The following VAT1L variants were observed in gnomAD, a reference collection of about 807,000 sequenced individuals.
VAT1L encodes the protein putative NADPH-dependent quinone oxidoreductase VAT1L.
VAT1L carries 34 observed loss-of-function variants against 44.1 expected under a neutral mutation model. That is an observed-to-expected ratio of 0.77 (90% CI 0.59 to 1.03). The LOEUF is 1.03. VAT1L is among the 50% of genes least tolerant of loss of function. The pLI, the probability that VAT1L is intolerant of heterozygous loss-of-function variation, is 0.00. For synonymous variants in VAT1L, 253 were observed against 202.2 expected, an observed-to-expected ratio of 1.25 and a Z score of -2.13; for missense variants, 615 against 538.8, an observed-to-expected ratio of 1.14 and a Z score of -1.40.
intron 3 of VAT1L, among the ~76,000 whole-genome samples, chr16:77,841,027 T>G (rs1339710603): frequency 6.6e-6 from 1 of 152,226 alleles, no homozygotes; most frequent in African/African-American, 2.4e-5. Flanking sequence ...GCAAGCTACA[T>G]GGATTTAAAA....
intron 3 of VAT1L, among the ~76,000 whole-genome samples, chr16:77,859,707 G>C (rs2016896642): frequency 6.6e-6 from 1 of 152,132 alleles, no homozygotes; most frequent in Non-Finnish European, 1.5e-5. Context: ...GAGCTGTCGA[G>C]GACAAAGAGA....
At chr16:77,838,440 C>G (rs1372227727) in intron 3 of VAT1L, among the ~76,000 whole-genome samples, 3 of 152,194 alleles carry the variant, frequency 2.0e-5, no homozygotes, top group Non-Finnish European at 4.4e-5. Flanking sequence ...ACTGGTCACT[C>G]TGATTGTGTT....
intron 3 of VAT1L, 54 bp from the exon 4 acceptor site, chr16:77,862,694 G>GGCTATGA: frequency 6.4e-7 from 1 of 1,569,050 alleles, no homozygotes; most frequent in Non-Finnish European, 8.7e-7. Context: ...CAGCAAGACT[G>GGCTATGA]GCTATGATCT....
rs142600148 is a variant in VAT1L, at chr16:77,900,690, G to T, written c.1077+15888G>T. 2.8e-5 allele frequency among the ~76,000 whole-genome samples: 4 copies of T among 140,612 alleles called. No individual in the cohort carries two copies. The East Asian group carries it at 7.9e-4, about 28-fold the overall frequency. The allele number at this position is 140,612 out of a possible 152,430, so 92.2% of individuals were successfully genotyped here. ...AGCCTCAGCAGCAGAGTGAGACTGT[G>T]TCTTGAAAAAAAAAAAAAGAAAATA... is the stretch of plus-strand genomic sequence containing the variant. On this transcript the variant is annotated intron_variant, in intron 7 of 8. Transcript: ENST00000302536.
At chr16:77,919,992 G>A (rs1299572622) in intron 7 of VAT1L, among the ~76,000 whole-genome samples, 4 of 152,086 alleles carry the variant, frequency 2.6e-5, no homozygotes, top group African/African-American at 7.2e-5. Context: ...TCTGACATAC[G>A]AGAATTGCTT....
At chr16:77,973,524 AC>A (rs2142546831) in intron 8 of VAT1L, among the ~76,000 whole-genome samples, 1 of 152,022 alleles carries the variant, frequency 6.6e-6, no homozygotes, top group South Asian at 2.1e-4. Flanking sequence ...ACCTCATGAT[AC>A]GCCCGCCTCA....
chr16:77,817,914 G>A (rs1046030613), intron 2 of VAT1L, among the ~76,000 whole-genome samples: 7 of 152,084 alleles, frequency 4.6e-5, no homozygotes, highest in East Asian at 1.9e-4. Flanking sequence ...TTGAGAACCC[G>A]CTATAATCAG....
At chr16:77,936,418 T>C (rs80168883) in intron 7 of VAT1L, among the ~76,000 whole-genome samples, 15 of 152,112 alleles carry the variant, frequency 9.9e-5, no homozygotes, top group East Asian at 7.7e-4. Flanking sequence ...TTCTGCCTCA[T>C]TGCACCTGGC....
chr16:77,873,584 C>T (rs2017055344), intron 4 of VAT1L, among the ~76,000 whole-genome samples: 1 of 152,132 alleles, frequency 6.6e-6, no homozygotes, highest in Admixed American at 6.5e-5. Flanking sequence ...ATAAGCAGCA[C>T]AAACATGGTC....
intron 7 of VAT1L, among the ~76,000 whole-genome samples, chr16:77,959,603 C>T (rs879667574): frequency 1.3e-5 from 2 of 152,042 alleles, no homozygotes; most frequent in Admixed American, 1.3e-4. Flanking sequence ...CACGGATATG[C>T]TTATTATCAT....
chr16:77,959,118 G>A (rs1242641210), intron 7 of VAT1L, among the ~76,000 whole-genome samples: 1 of 152,146 alleles, frequency 6.6e-6, no homozygotes, highest in Non-Finnish European at 1.5e-5. Context: ...TTGCACGCCA[G>A]TCACCTCCTC....
chr16:77,802,307 CTT>C (rs1156366389), intron 1 of VAT1L, among the ~76,000 whole-genome samples: 1 of 152,090 alleles, frequency 6.6e-6, no homozygotes, highest in African/African-American at 2.4e-5. Flanking sequence ...CTGTGAAAGT[CTT>C]GAGTCCCTTA....
At chr16:77,889,064 C>G (rs1329502632) in intron 7 of VAT1L, among the ~76,000 whole-genome samples, 1 of 152,176 alleles carries the variant, frequency 6.6e-6, no homozygotes, top group Non-Finnish European at 1.5e-5. Context: ...GAGAGTGTAA[C>G]ATGCTTATTA....
intron 7 of VAT1L, among the ~76,000 whole-genome samples, chr16:77,919,425 G>T (rs974638078): frequency 2.6e-5 from 4 of 152,178 alleles, no homozygotes; most frequent in African/African-American, 4.8e-5. Context: ...GTGTTGCCAG[G>T]CAGCCTATTT....
intron 7 of VAT1L, among the ~76,000 whole-genome samples, chr16:77,906,384 T>C (rs986080507): frequency 3.9e-5 from 6 of 152,228 alleles, no homozygotes; most frequent in African/African-American, 1.2e-4. Flanking sequence ...ATCACCAGCA[T>C]ACTTACCATT....
intron 2 of VAT1L, among the ~76,000 whole-genome samples, chr16:77,824,716 A>AC (rs1317870526): frequency 2.0e-5 from 3 of 148,232 alleles, no homozygotes; most frequent in Non-Finnish European, 4.5e-5. Flanking sequence ...AGATCACGCC[A>AC]CTGCCCTCCA....
rs1228356293 is a variant in VAT1L at position 77,876,360 on chromosome 16, C to A, written c.723-10C>A. On this transcript the variant is annotated splice_polypyrimidine_tract_variant and intron_variant, in intron 4 of 8. Transcript: ENST00000302536. Reference sequence around the variant, plus strand: ...GTCACAGAATTTTGCTTTGCCTTCTCACCATTTAGAATCTCTGCTGAAGGT... The same window carrying A: ...GTCACAGAATTTTGCTTTGCCTTCTAACCATTTAGAATCTCTGCTGAAGGT... 1.2e-5 allele frequency: 19 copies of A among 1,613,550 alleles called. No homozygotes were observed. The highest frequency in any genetic ancestry group is 1.6e-5 in the Non-Finnish European group (19 of 1,179,588).
At chr16:77,930,235 C>T (rs1432458576) in intron 7 of VAT1L, among the ~76,000 whole-genome samples, 1 of 152,156 alleles carries the variant, frequency 6.6e-6, no homozygotes, top group Non-Finnish European at 1.5e-5. Flanking sequence ...TGAATTCGAC[C>T]CCTAGCCTGT....
chr16:77,910,673 C>CA lies in VAT1L; in HGVS notation c.1077+25891dup, dbSNP rs3038773. Among the ~76,000 whole-genome samples the CA allele has an allele frequency of 8.5e-3, 701 of 82,890 alleles. 10 individuals are homozygous for CA. The highest frequency in any genetic ancestry group is 0.027 in the African/African-American group (585 of 21,356). 54.4% of individuals were successfully genotyped at this position (82,890 alleles called of 152,430 possible). On this transcript the variant is annotated intron_variant, in intron 7 of 8. Coordinates refer to ENST00000302536, the MANE Select transcript of VAT1L (RefSeq NM_020927.3). ...TGGGCAACAGAGTGAGACTCCTTCT[C>CA]AAAAAAAAAAAAAAAAAAAAGAAAG...
Sources: allele counts gnomAD v4.1 joint callset (sites outside exome capture counted in the v4.1 genomes callset), GRCh38; gene constraint gnomAD v4.1.1; transcripts MANE v1.5; gene names NCBI Gene and HGNC (gene_info 2026-07-23, HGNC 2026-07-21).